CDKAL1: variants seen among roughly 807,000 people sequenced by gnomAD.
The protein encoded by CDKAL1 is CDKAL1 threonylcarbamoyladenosine tRNA methylthiotransferase.
Under a neutral mutation model 68.2 loss-of-function variants are expected in CDKAL1, and 32 were observed. The ratio of observed to expected loss-of-function variants is 0.47; its 90% CI spans 0.35 to 0.63. The LOEUF is 0.63. Among genes scored for constraint, CDKAL1 ranks in the 30% least tolerant of loss-of-function variants. The pLI, the probability that CDKAL1 is intolerant of heterozygous loss-of-function variation, is 0.00. For synonymous variants in CDKAL1, 234 were observed against 244.3 expected (o/e 0.96, Z 0.39); for missense variants, 606 against 696.7 (o/e 0.87, Z 1.47).
intron 8 of CDKAL1, among the ~76,000 whole-genome samples, chr6:20,839,750 G>A (rs568425671): frequency 6.6e-6 from 1 of 152,132 alleles, no homozygotes; most frequent in East Asian, 1.9e-4. Flanking sequence ...GTACCTTCTC[G>A]ATTCCTGACT....
chr6:21,087,042 C>A, intron 12 of CDKAL1, among the ~76,000 whole-genome samples: 1 of 152,162 alleles, frequency 6.6e-6, no homozygotes, highest in East Asian at 1.9e-4. Context: ...CTTAACTTCA[C>A]CATATGTATC....
intron 12 of CDKAL1, among the ~76,000 whole-genome samples, chr6:21,103,966 G>A (rs975766560): frequency 5.9e-5 from 9 of 152,160 alleles, no homozygotes; most frequent in Admixed American, 1.3e-4. Context: ...AGCAAGGCTC[G>A]ACAGGTTTTG....
At chr6:20,803,993 A>G (rs1039611497) in intron 8 of CDKAL1, among the ~76,000 whole-genome samples, 1 of 150,760 alleles carries the variant, frequency 6.6e-6, no homozygotes, top group African/African-American at 2.5e-5. Flanking sequence ...AGGGAAAAAG[A>G]AAATGAAATG....
rs1476984258 is a variant in CDKAL1 at position 21,070,642 on chromosome 6, A to C, written c.1236+5414A>C. Among the ~76,000 whole-genome samples the C allele has an allele frequency of 2.0e-5, 3 of 151,358 alleles. 1 individual carries two copies. The highest frequency in any genetic ancestry group is 4.4e-5 in the Non-Finnish European group (3 of 67,880). ...GAAACCTTAGCCATTCTTTCTTCAGATATATATTCTACTCTCTTCTCTCTT... is the reference window on the plus strand; with the variant it reads ...GAAACCTTAGCCATTCTTTCTTCAGCTATATATTCTACTCTCTTCTCTCTT... On this transcript the variant is annotated intron_variant, in intron 12 of 15. Transcript: ENST00000274695.
intron 2 of CDKAL1, among the ~76,000 whole-genome samples, chr6:20,537,614 CAAA>C (rs543824204): frequency 4.7e-4 from 57 of 120,240 alleles, no homozygotes; most frequent in Admixed American, 6.3e-4. Flanking sequence ...CTCATAATTA[CAAA>C]AAAAAAAAAA....
At chr6:20,769,935 C>T (rs71563976) in intron 7 of CDKAL1, among the ~76,000 whole-genome samples, 1,888 of 152,236 alleles carry the variant, frequency 0.012, 9 homozygotes, top group Middle Eastern at 0.024. Flanking sequence ...ATTGAACAGA[C>T]GGAAATGAGA....
Position 20,804,757 on chromosome 6 carries a change from T to C in CDKAL1, c.638+23492T>C, listed in dbSNP as rs1776497660. ...AAGGATCTGCTTGGTACTGGGGCCA[T>C]GGGGGTGAGGTTAACCATTGAGTAG... On this transcript the variant is annotated intron_variant, in intron 8 of 15. Coordinates refer to ENST00000274695, the MANE Select transcript of CDKAL1 (RefSeq NM_017774.3). Among the ~76,000 whole-genome samples the C allele has an allele frequency of 1.3e-5, 2 of 151,948 alleles. 1 individual carries two copies. Among genetic ancestry groups the C allele is most frequent in the Admixed American group, 1.3e-4 (2 of 15,254 alleles).
At chr6:20,638,765 C>T (rs2127748991) in intron 4 of CDKAL1, among the ~76,000 whole-genome samples, 1 of 151,480 alleles carries the variant, frequency 6.6e-6, no homozygotes, top group South Asian at 2.1e-4. Flanking sequence ...CCATAAGTAT[C>T]TGGGATTACA....
At chr6:20,722,911 C>A (rs1427946407) in intron 5 of CDKAL1, among the ~76,000 whole-genome samples, 1 of 152,106 alleles carries the variant, frequency 6.6e-6, no homozygotes, top group African/African-American at 2.4e-5. Context: ...GGAAGATGAC[C>A]TGCGCTTCCC....
At chr6:20,989,817 G>T (rs1766694734) in intron 10 of CDKAL1, among the ~76,000 whole-genome samples, 1 of 152,036 alleles carries the variant, frequency 6.6e-6, no homozygotes, top group African/African-American at 2.4e-5. Context: ...GCAAAATTGA[G>T]TTTTTCATAT....
chr6:20,843,966 A>C (rs532948751), intron 8 of CDKAL1, among the ~76,000 whole-genome samples: 1 of 152,158 alleles, frequency 6.6e-6, no homozygotes, highest in African/African-American at 2.4e-5. Context: ...TGACTGGGCC[A>C]TGGAGACACT....
chr6:20,887,085 A>ATTT lies in CDKAL1; in HGVS notation c.742+40908_742+40909insTTT. On this transcript the variant is annotated intron_variant, in intron 9 of 15. Transcript: ENST00000274695. ...ATGTACATTAAAAGTGTTCAACAAC[A>ATTT]TGAGTCACAAGGGAAATGCAAATGT... Among the ~76,000 whole-genome samples, 3 of 152,360 alleles carry ATTT rather than the reference A, an allele frequency of 2.0e-5. No homozygotes were observed. The East Asian group carries it at 5.8e-4, about 29-fold the overall frequency.
intron 10 of CDKAL1, among the ~76,000 whole-genome samples, chr6:20,979,077 G>A (rs185976469): frequency 6.6e-6 from 1 of 152,284 alleles, no homozygotes; most frequent in East Asian, 1.9e-4. Context: ...TAAAAAGTAA[G>A]AGTGTAATCT....
intron 10 of CDKAL1, among the ~76,000 whole-genome samples, chr6:20,960,201 G>A (rs902245855): frequency 2.6e-5 from 4 of 152,006 alleles, no homozygotes; most frequent in Non-Finnish European, 4.4e-5. Flanking sequence ...TGATCATAGC[G>A]CTCTACAGCC....
At chr6:20,621,671 T>A (rs1253241854) in intron 4 of CDKAL1, among the ~76,000 whole-genome samples, 5 of 152,226 alleles carry the variant, frequency 3.3e-5, no homozygotes, top group African/African-American at 7.2e-5. Flanking sequence ...AATACTACTT[T>A]ATTTATTTTG....
chr6:20,877,109 C>T (rs1273234119), intron 9 of CDKAL1, among the ~76,000 whole-genome samples: 3 of 152,112 alleles, frequency 2.0e-5, no homozygotes, highest in Non-Finnish European at 2.9e-5. Context: ...GCTGTGAATA[C>T]GGTGGAATCA....
chr6:20,548,967 C>CTTACGTAGTTGTAATATCA (rs1430385293), intron 4 of CDKAL1, among the ~76,000 whole-genome samples: 1 of 152,148 alleles, frequency 6.6e-6, no homozygotes, highest in East Asian at 1.9e-4. Context: ...ATATTAACAT[C>CTTACGTAGTTGTAATATCA]TTACGTAGTT....
At chr6:20,611,980 C>T (rs1766637639) in intron 4 of CDKAL1, among the ~76,000 whole-genome samples, 1 of 152,122 alleles carries the variant, frequency 6.6e-6, no homozygotes, top group East Asian at 1.9e-4. Flanking sequence ...TTTTAGCCCC[C>T]ACATGAGTGA....
chr6:21,184,820 CTAAT>C (rs1777941765), intron 13 of CDKAL1, among the ~76,000 whole-genome samples: 1 of 118,298 alleles, frequency 8.5e-6, no homozygotes, highest in Admixed American at 9.4e-5. Context: ...CCACGTGCAG[CTAAT>C]TTTTTTTTTT....
Sources: allele counts gnomAD v4.1 joint callset (sites outside exome capture counted in the v4.1 genomes callset), GRCh38; gene constraint gnomAD v4.1.1; transcripts MANE v1.5; gene names NCBI Gene and HGNC (gene_info 2026-07-23, HGNC 2026-07-21).